PCDH15: variants seen among roughly 807,000 people sequenced by gnomAD.
PCDH15 encodes protocadherin-15.
PCDH15 carries 129 observed loss-of-function variants against 178.5 expected under a neutral mutation model. The observed-to-expected ratio is 0.72, with a 90% CI of 0.63 to 0.84. The LOEUF is 0.84. Among genes scored for constraint, PCDH15 ranks in the 40% least tolerant of loss-of-function variants. The pLI is 0.00. For missense variants in PCDH15, 2,230 were observed against 2,099.9 expected, an observed-to-expected ratio of 1.06 and a Z score of -1.21; for synonymous variants, 800 against 732.0, an observed-to-expected ratio of 1.09 and a Z score of -1.50.
At chr10:54,552,640 G>T (rs1402322807) in intron 2 of PCDH15, among the ~76,000 whole-genome samples, 1 of 152,108 alleles carries the variant, frequency 6.6e-6, no homozygotes, top group South Asian at 2.1e-4. Context: ...CTACCTTATA[G>T]AATTGGTGGA....
intron 6 of PCDH15, among the ~76,000 whole-genome samples, chr10:54,337,929 T>C (rs1474274546): frequency 6.6e-6 from 1 of 152,228 alleles, no homozygotes; most frequent in Non-Finnish European, 1.5e-5. Flanking sequence ...ACAGGCTGTA[T>C]ATCCATGGTT....
intron 21 of PCDH15, among the ~76,000 whole-genome samples, chr10:53,988,337 C>T (rs1000528917): frequency 1.3e-5 from 2 of 152,180 alleles, no homozygotes; most frequent in Non-Finnish European, 2.9e-5. Flanking sequence ...CCATCCTCCA[C>T]ACCTGAGGCC....
At chr10:55,000,829 A>G (rs1423202271) in intron 2 of PCDH15, among the ~76,000 whole-genome samples, 4 of 152,162 alleles carry the variant, frequency 2.6e-5, no homozygotes, top group Non-Finnish European at 2.9e-5. Flanking sequence ...GCACCTGTCC[A>G]GTCACAGTCC....
intron 1 of PCDH15, among the ~76,000 whole-genome samples, chr10:55,303,421 C>T (rs774683971): frequency 6.6e-6 from 1 of 152,160 alleles, no homozygotes; most frequent in Non-Finnish European, 1.5e-5. Context: ...TTTAGGCATG[C>T]TCTTCCTTAT....
chr10:55,555,920 A>G (rs956343595), intron 2 of PCDH15, among the ~76,000 whole-genome samples: 1 of 152,134 alleles, frequency 6.6e-6, no homozygotes, highest in African/African-American at 2.4e-5. Context: ...TCATCCAAAG[A>G]AATCACTTCC....
intron 2 of PCDH15, among the ~76,000 whole-genome samples, chr10:55,463,097 A>T (rs1468500016): frequency 6.6e-6 from 1 of 150,676 alleles, no homozygotes; most frequent in Non-Finnish European, 1.5e-5. Context: ...AGGATCCAAG[A>T]GAAAAAAAAA....
intron 1 of PCDH15, among the ~76,000 whole-genome samples, chr10:55,244,572 T>TACAC (rs779150750): frequency 2.1e-4 from 28 of 131,270 alleles, no homozygotes; most frequent in Non-Finnish European, 4.3e-4. Flanking sequence ...ACTGAACTTA[T>TACAC]ACACACACAC....
intron 25 of PCDH15, among the ~76,000 whole-genome samples, chr10:53,921,682 T>G (rs1480334068): frequency 6.6e-6 from 1 of 152,176 alleles, no homozygotes. Flanking sequence ...CTTGAGTTTC[T>G]AAGATTGCTG....
At chr10:53,936,706 C>CT (rs2085606780) in intron 25 of PCDH15, among the ~76,000 whole-genome samples, 1 of 152,064 alleles carries the variant, frequency 6.6e-6, no homozygotes, top group Non-Finnish European at 1.5e-5. Context: ...GCACAATTTA[C>CT]TTTGAAAATA....
At chr10:54,862,765 C>A (rs1230389451) in intron 3 of PCDH15, among the ~76,000 whole-genome samples, 1 of 152,210 alleles carries the variant, frequency 6.6e-6, no homozygotes. Context: ...GACATGCTCA[C>A]TGTCCTTTCA....
At chr10:55,411,945 T>C (rs1010618164) in intron 2 of PCDH15, among the ~76,000 whole-genome samples, 10 of 151,982 alleles carry the variant, frequency 6.6e-5, no homozygotes, top group Non-Finnish European at 1.2e-4. Context: ...TATATATAGA[T>C]AGGTAGATAA....
chr10:55,515,244 G>C (rs570581792), intron 2 of PCDH15, among the ~76,000 whole-genome samples: 1 of 151,800 alleles, frequency 6.6e-6, no homozygotes, highest in South Asian at 2.1e-4. Context: ...CTTCCAAAGT[G>C]CTAGGATTAC....
At chr10:53,936,739 A>G (rs987148882) in intron 25 of PCDH15, among the ~76,000 whole-genome samples, 3 of 152,182 alleles carry the variant, frequency 2.0e-5, no homozygotes, top group African/African-American at 7.2e-5. Context: ...AATTTTTGGT[A>G]AAGAAGTCAC....
intron 14 of PCDH15, among the ~76,000 whole-genome samples, chr10:54,143,303 A>T (rs1443419459): frequency 2.0e-5 from 3 of 152,170 alleles, no homozygotes; most frequent in Non-Finnish European, 4.4e-5. Flanking sequence ...ATTATGTTAC[A>T]TTGTTGTATG....
At chr10:54,395,679 C>T (rs954407753) in intron 3 of PCDH15, among the ~76,000 whole-genome samples, 8 of 151,986 alleles carry the variant, frequency 5.3e-5, no homozygotes, top group African/African-American at 1.9e-4. Context: ...CACACACACA[C>T]CTACACACAC....
At chr10:54,022,713 C>T (rs1007497174) in intron 19 of PCDH15, among the ~76,000 whole-genome samples, 179 bp downstream of exon 19, 1 of 151,958 alleles carries the variant, frequency 6.6e-6, no homozygotes, top group African/African-American at 2.4e-5. Flanking sequence ...TTAAAGTAGG[C>T]TTGCCACATA....
chr10:54,296,673 A>G (rs1328554658), intron 8 of PCDH15, among the ~76,000 whole-genome samples: 1 of 152,138 alleles, frequency 6.6e-6, no homozygotes, highest in Non-Finnish European at 1.5e-5. Flanking sequence ...GAGGAGCCAG[A>G]CTATCTTATC....
intron 3 of PCDH15, among the ~76,000 whole-genome samples, chr10:54,468,427 T>A (rs2077675166): frequency 6.6e-6 from 1 of 152,062 alleles, no homozygotes; most frequent in African/African-American, 2.4e-5. Context: ...CCAATGGTCA[T>A]TTAGAAGCAT....
At chr10:54,649,443 G>A (rs1262627665) in intron 2 of PCDH15, among the ~76,000 whole-genome samples, 2 of 152,066 alleles carry the variant, frequency 1.3e-5, no homozygotes, top group Admixed American at 1.3e-4. Context: ...ACCATGTGTG[G>A]ACAAATCTTG....
Sources: allele counts gnomAD v4.1 joint callset (sites outside exome capture counted in the v4.1 genomes callset), GRCh38; gene constraint gnomAD v4.1.1; transcripts MANE v1.5; gene names NCBI Gene and HGNC (gene_info 2026-07-23, HGNC 2026-07-21).